The following TTLL11 variants were observed in gnomAD, a reference collection of about 807,000 sequenced individuals.
The protein encoded by TTLL11 is tubulin tyrosine ligase like 11, also known as tubulin polyglutamylase TTLL11.
Under a neutral mutation model 51.7 loss-of-function variants are expected in TTLL11, and 42 were observed. The observed-to-expected ratio is 0.81, with a 90% CI of 0.64 to 1.05. The LOEUF (loss-of-function observed/expected upper bound fraction) is 1.05. Ranked by LOEUF, TTLL11 falls within the 50% of genes least tolerant of loss-of-function variation. The probability of loss-of-function intolerance (pLI) is 0.00; values close to 1 mark genes in which losing one functional copy is unlikely to be tolerated. For synonymous variants in TTLL11, 381 were observed against 383.5 expected (o/e 0.99, Z 0.08); for missense variants, 799 against 940.4 (o/e 0.85, Z 1.97).
At chr9:121,965,764 G>A (rs1410365131) in intron 6 of TTLL11, among the ~76,000 whole-genome samples, 1 of 152,156 alleles carries the variant, frequency 6.6e-6, no homozygotes, top group Non-Finnish European at 1.5e-5. Context: ...TTATTTTTGA[G>A]GGGACTTCAA....
At chr9:121,971,746 G>GGAAA (rs1554775866) in intron 6 of TTLL11, among the ~76,000 whole-genome samples, 1 of 97,878 alleles carries the variant, frequency 1.0e-5, no homozygotes, top group Non-Finnish European at 2.1e-5. Context: ...TCTGCCTTGG[G>GGAAA]AAAAAAAAAA....
intron 7 of TTLL11, among the ~76,000 whole-genome samples, chr9:121,861,467 T>G (rs941672111): frequency 4.0e-5 from 6 of 151,858 alleles, no homozygotes; most frequent in Non-Finnish European, 4.4e-5. Context: ...AGTCTCGGTG[T>G]CCTCATCTAT....
chr9:121,992,927 G>T (rs1027260672), intron 3 of TTLL11, among the ~76,000 whole-genome samples: 2 of 152,162 alleles, frequency 1.3e-5, no homozygotes, highest in Non-Finnish European at 2.9e-5. Flanking sequence ...CACTACAAAT[G>T]AAATATTATT....
intron 3 of TTLL11, among the ~76,000 whole-genome samples, chr9:122,005,400 C>T (rs1022862860): frequency 2.0e-5 from 3 of 152,184 alleles, no homozygotes; most frequent in African/African-American, 7.2e-5. Context: ...ATGGAGGCAT[C>T]TGTATGAATA....
chr9:122,087,529 T>C (rs780396887), intron 1 of TTLL11, among the ~76,000 whole-genome samples: 4 of 152,200 alleles, frequency 2.6e-5, no homozygotes, highest in Non-Finnish European at 5.9e-5. Context: ...TATACTATAA[T>C]AGATCTCAGG....
chr9:122,047,518 AC>A (rs2131841188), intron 1 of TTLL11, among the ~76,000 whole-genome samples: 1 of 149,968 alleles, frequency 6.7e-6, no homozygotes, highest in Non-Finnish European at 1.5e-5. Context: ...GCATGCCCCC[AC>A]CCCCTCTCCC....
chr9:122,020,503 T>A (rs1844138349), intron 3 of TTLL11, among the ~76,000 whole-genome samples: 1 of 152,246 alleles, frequency 6.6e-6, no homozygotes, highest in Admixed American at 6.5e-5. Flanking sequence ...CCCTGCCAAA[T>A]GACTTAACCT....
At chr9:121,955,166 T>A (rs1180995004) in intron 6 of TTLL11, among the ~76,000 whole-genome samples, 1 of 152,248 alleles carries the variant, frequency 6.6e-6, no homozygotes, top group Non-Finnish European at 1.5e-5. Flanking sequence ...ATTAAACTAT[T>A]TAATACGAGC....
At chr9:122,014,733 C>T (rs1843914414) in intron 3 of TTLL11, among the ~76,000 whole-genome samples, 1 of 152,152 alleles carries the variant, frequency 6.6e-6, no homozygotes, top group Admixed American at 6.5e-5. Context: ...ACCTATAGGC[C>T]ATGGGACTGT....
At chr9:121,833,386 C>T (rs1275839532) in intron 8 of TTLL11, among the ~76,000 whole-genome samples, 1 of 152,174 alleles carries the variant, frequency 6.6e-6, no homozygotes, top group African/African-American at 2.4e-5. Flanking sequence ...TCTCCACTCC[C>T]GGGAAGGCAT....
At chr9:121,977,292 T>G (rs182321536) in intron 4 of TTLL11, among the ~76,000 whole-genome samples, 83 of 152,346 alleles carry the variant, frequency 5.4e-4, no homozygotes, top group Admixed American at 7.8e-4. Context: ...ACTAGCTACA[T>G]GACTCTAGGT....
chr9:121,910,200 G>C (rs905217834), intron 6 of TTLL11, among the ~76,000 whole-genome samples: 3 of 152,222 alleles, frequency 2.0e-5, no homozygotes, highest in African/African-American at 7.2e-5. Context: ...AGCAGCAATA[G>C]GTGTCCTGGG....
At chr9:121,862,878 C>G (rs554947658) in intron 7 of TTLL11, among the ~76,000 whole-genome samples, 2 of 152,168 alleles carry the variant, frequency 1.3e-5, no homozygotes, top group Non-Finnish European at 1.5e-5. Context: ...TGTTAGGGAC[C>G]GGACAGGGGA....
chr9:121,919,535 T>C (rs1840447909), intron 6 of TTLL11, among the ~76,000 whole-genome samples: 1 of 152,198 alleles, frequency 6.6e-6, no homozygotes. Context: ...GGCACAAATA[T>C]GGCTGCAGGC....
At chr9:121,895,925 T>G (rs1360607109) in intron 6 of TTLL11, among the ~76,000 whole-genome samples, 2 of 111,310 alleles carry the variant, frequency 1.8e-5, no homozygotes, top group Non-Finnish European at 4.0e-5. Flanking sequence ...TGTGTGGGTG[T>G]GTCTGTGTGG....
intron 6 of TTLL11, among the ~76,000 whole-genome samples, chr9:121,924,389 G>C (rs576711918): frequency 6.6e-6 from 1 of 152,362 alleles, no homozygotes; most frequent in Admixed American, 6.5e-5. Flanking sequence ...GCAGAGAAAA[G>C]AGGCAAGGGC....
intron 6 of TTLL11, among the ~76,000 whole-genome samples, chr9:121,909,338 C>T (rs73664713): frequency 0.023 from 3,460 of 152,088 alleles, 136 homozygotes; most frequent in African/African-American, 0.076. Flanking sequence ...CACTCCCTGC[C>T]GCCGTGCTCC....
At chr9:121,855,166 A>G (rs1837776696) in intron 8 of TTLL11, among the ~76,000 whole-genome samples, 1 of 152,196 alleles carries the variant, frequency 6.6e-6, no homozygotes. Context: ...GCGGATGCTT[A>G]TTCCATTATT....
At chr9:122,080,346 G>A (rs1228034696) in intron 1 of TTLL11, among the ~76,000 whole-genome samples, 6 of 152,094 alleles carry the variant, frequency 3.9e-5, no homozygotes, top group Admixed American at 6.5e-5. Context: ...TGTATATTCC[G>A]TGTGGTCTAA....
Sources: allele counts gnomAD v4.1 joint callset (sites outside exome capture counted in the v4.1 genomes callset), GRCh38; gene constraint gnomAD v4.1.1; transcripts MANE v1.5; gene names NCBI Gene and HGNC (gene_info 2026-07-23, HGNC 2026-07-21).